Variants in PARN observed in about 807,000 individuals in gnomAD.
The protein encoded by PARN is poly(A)-specific ribonuclease, also known as poly(A)-specific ribonuclease PARN.
In PARN, 71 loss-of-function variants were observed where a neutral mutation model predicts 102.8. The observed-to-expected ratio is 0.69, with a 90% CI of 0.57 to 0.84. The LOEUF (loss-of-function observed/expected upper bound fraction) is 0.84, where lower values mean the gene tolerates loss of function less well. Ranked by LOEUF, PARN falls within the 40% of genes least tolerant of loss-of-function variation. The pLI is 0.00. For missense variants in PARN, 782 were observed against 760.9 expected (o/e 1.03, Z -0.33); for synonymous variants, 261 against 252.9 (o/e 1.03, Z -0.30).
Position 14,629,652 on chromosome 16 carries a change from T to G in PARN, c.42A>C (p.Lys14Asn). The G allele has an allele frequency of 6.2e-7, 1 of 1,613,204 alleles. No homozygotes were observed. The highest frequency in any genetic ancestry group is 2.2e-5 in the East Asian group (1 of 44,882). Residue 14 changes from lysine (K) to asparagine (N), a missense_variant, in exon 2 of 24, where the codon AAA becomes AAC. Physicochemically the swap from Lys to Asn is moderately conservative, Grantham distance 94. Coordinates refer to ENST00000437198, the MANE Select transcript of PARN (RefSeq NM_002582.4). The part of the protein sequence containing the change: ...IRSNFKSNLH[K>N]VYQAIEEADF... Reference sequence around the variant, plus strand: ...CGGCCTCCTCTATGGCCTGGTACACTTTGTGAAGATTACTCTTAAAATCTG... The same window carrying G: ...CGGCCTCCTCTATGGCCTGGTACACGTTGTGAAGATTACTCTTAAAATCTG...
intron 22 of PARN, among the ~76,000 whole-genome samples, chr16:14,470,743 G>C (rs1023753884): frequency 4.6e-5 from 7 of 152,102 alleles, no homozygotes; most frequent in African/African-American, 7.2e-5. Context: ...ATAGGCATGA[G>C]GCATCTGGCC....
intron 12 of PARN, among the ~76,000 whole-genome samples, chr16:14,598,151 T>A (rs945890743): frequency 1.6e-4 from 24 of 151,814 alleles, no homozygotes; most frequent in African/African-American, 5.1e-4. Context: ...TCAAAAAATA[T>A]ATATATATAT....
rs916541905 is a variant in PARN at position 14,469,736 on chromosome 16, A to G, written c.1670+12902T>C. 5.3e-5 allele frequency among the ~76,000 whole-genome samples: 8 copies of G among 152,316 alleles called. No homozygotes were observed. The East Asian group carries it at 1.5e-3, about 29-fold the overall frequency. ...AAAAAAAAAAAAGAACTACGAGGAA[A>G]ATGTTAAGGATTTCTACATCTGGCA... On this transcript the variant is annotated intron_variant, in intron 22 of 23. Transcript: ENST00000437198.
intron 21 of PARN, among the ~76,000 whole-genome samples, chr16:14,550,246 G>C (rs1440294989): frequency 6.6e-6 from 1 of 151,436 alleles, no homozygotes; most frequent in Non-Finnish European, 1.5e-5. Context: ...GTGGGGAAAT[G>C]GATCACAGAA....
At chr16:14,603,959 T>C (rs1971028335) in intron 11 of PARN, among the ~76,000 whole-genome samples, 187 bp downstream of exon 11, 1 of 152,256 alleles carries the variant, frequency 6.6e-6, no homozygotes. Flanking sequence ...CTCACTTTGC[T>C]AGCTACGTCT....
At chr16:14,585,681 A>G (rs1439192511) in intron 14 of PARN, among the ~76,000 whole-genome samples, 2 of 152,198 alleles carry the variant, frequency 1.3e-5, no homozygotes, top group Non-Finnish European at 2.9e-5. Context: ...AACACTCTCA[A>G]TTGGACACTT....
intron 23 of PARN, among the ~76,000 whole-genome samples, chr16:14,441,844 C>G (rs956416937): frequency 2.0e-5 from 3 of 152,154 alleles, no homozygotes; most frequent in Admixed American, 1.3e-4. Flanking sequence ...TTAAGGAGAC[C>G]AGTAACAGCA....
At chr16:14,490,083 G>C (rs569439715) in intron 21 of PARN, among the ~76,000 whole-genome samples, 1 of 152,298 alleles carries the variant, frequency 6.6e-6, no homozygotes, top group African/African-American at 2.4e-5. Flanking sequence ...GTTTGAGCCC[G>C]GGATGTGGAG....
At position 14,586,405 on chromosome 16, in the gene PARN, T is replaced by G. The variant is rs898435181; in HGVS notation, c.919-44A>C. On this transcript the variant is annotated intron_variant, in intron 13 of 23. Transcript: ENST00000437198. ...ACTTGTTACAATTTTCCTAATACAC[T>G]CGCAGTATTAAAAAACATGTAAACA... 4 of 1,176,970 alleles carry G rather than the reference T, an allele frequency of 3.4e-6. No homozygotes were observed. The African/African-American group carries it at 6.1e-5, about 18-fold the overall frequency. 72.9% of individuals were successfully genotyped at this position (1,176,970 alleles called of 1,614,324 possible).
At chr16:14,493,096 C>T (rs1203253943) in intron 21 of PARN, among the ~76,000 whole-genome samples, 1 of 152,116 alleles carries the variant, frequency 6.6e-6, no homozygotes, top group Non-Finnish European at 1.5e-5. Context: ...AAAAAGAAAC[C>T]ATTATTTAAA....
At chr16:14,541,263 G>A (rs1421774725) in intron 21 of PARN, among the ~76,000 whole-genome samples, 1 of 151,842 alleles carries the variant, frequency 6.6e-6, no homozygotes, top group Non-Finnish European at 1.5e-5. Flanking sequence ...TAGAGAGTGA[G>A]GAAGGAATTC....
intron 6 of PARN, among the ~76,000 whole-genome samples, chr16:14,612,047 G>C (rs1392916977): frequency 4.0e-5 from 6 of 151,776 alleles, no homozygotes; most frequent in African/African-American, 1.5e-4. Flanking sequence ...CTGGTGTAGA[G>C]ATGGCAGGGT....
At chr16:14,484,257 C>T (rs369980888) in intron 21 of PARN, among the ~76,000 whole-genome samples, 2 of 152,278 alleles carry the variant, frequency 1.3e-5, no homozygotes, top group African/African-American at 4.8e-5. Context: ...CCCATGCTGC[C>T]CCCTCTTCTG....
At position 14,474,146 on chromosome 16, in the gene PARN, C is replaced by T. The variant is rs547139467; in HGVS notation, c.1670+8492G>A. 2.6e-5 allele frequency among the ~76,000 whole-genome samples: 4 copies of T among 151,808 alleles called. No homozygotes were observed. The East Asian group carries it at 7.8e-4, about 30-fold the overall frequency. ...TATCTGGGACTATAGGCATGGGCCACCATGCCTGGCTAATTTTTGTTTGTT... is the reference window on the plus strand; with the variant it reads ...TATCTGGGACTATAGGCATGGGCCATCATGCCTGGCTAATTTTTGTTTGTT... On this transcript the variant is annotated intron_variant, in intron 22 of 23. Coordinates refer to ENST00000437198, the MANE Select transcript of PARN (RefSeq NM_002582.4).
intron 21 of PARN, among the ~76,000 whole-genome samples, chr16:14,510,146 C>T (rs1480626939): frequency 3.9e-5 from 6 of 151,908 alleles, no homozygotes; most frequent in African/African-American, 4.8e-5. Context: ...CTTTGCAGCC[C>T]GAGACTCTCC....
In PARN at chr16:14,436,707, C is replaced by T; in HGVS notation, c.*10G>A. ...GACAGCACCAGCGGTTTGCTGCCCTCAGGTCTTGGTTACCATGTGTCAGGA... is the reference window on the plus strand; with the variant it reads ...GACAGCACCAGCGGTTTGCTGCCCTTAGGTCTTGGTTACCATGTGTCAGGA... On this transcript the variant is annotated 3_prime_UTR_variant, in exon 24 of 24. Transcript: ENST00000437198. 1 of 1,595,008 alleles carries T rather than the reference C, an allele frequency of 6.3e-7. No individual in the cohort carries two copies. The highest frequency in any genetic ancestry group is 8.6e-7 in the Non-Finnish European group (1 of 1,169,382).
chr16:14,569,570 T>C (rs550827017), intron 18 of PARN, among the ~76,000 whole-genome samples: 2 of 152,356 alleles, frequency 1.3e-5, no homozygotes, highest in East Asian at 3.9e-4. Context: ...TACACATCTA[T>C]GTATCTTAAA....
At chr16:14,611,666 G>A (rs1971526414) in intron 6 of PARN, among the ~76,000 whole-genome samples, 1 of 152,028 alleles carries the variant, frequency 6.6e-6, no homozygotes, top group Non-Finnish European at 1.5e-5. Flanking sequence ...TCAGCCTCCC[G>A]AGTAGCTGGA....
intron 13 of PARN, 137 bp downstream of exon 13, chr16:14,593,164 G>A (rs1970299010): frequency 3.5e-6 from 2 of 571,910 alleles, no homozygotes; most frequent in Non-Finnish European, 6.2e-6. Flanking sequence ...GAGTGCATAA[G>A]ATTCTCTCTG....
Sources: gnomAD v4.1 joint callset for allele counts (sites outside exome capture counted in the v4.1 genomes callset) on GRCh38, gnomAD v4.1.1 for gene constraint, MANE v1.5 for transcripts, NCBI Gene and HGNC (gene_info 2026-07-23, HGNC 2026-07-21) for gene names.